CFAP65: variants seen among roughly 807,000 people sequenced by gnomAD.
The protein encoded by CFAP65 is cilia and flagella associated protein 65.
In CFAP65, 155 loss-of-function variants were observed where a neutral mutation model predicts 208.0. The observed-to-expected ratio is 0.75, with a 90% CI of 0.65 to 0.85. The LOEUF (loss-of-function observed/expected upper bound fraction) is 0.85, where lower values mean the gene tolerates loss of function less well. Ranked by LOEUF, CFAP65 falls within the 40% of genes least tolerant of loss-of-function variation. The pLI, the probability that CFAP65 is intolerant of heterozygous loss-of-function variation, is 0.00. For missense variants in CFAP65, 2,294 were observed against 2,451.3 expected, an observed-to-expected ratio of 0.94 and a Z score of 1.36; for synonymous variants, 970 against 986.3, an observed-to-expected ratio of 0.98 and a Z score of 0.31.
At chr2:219,035,010 C>T (rs73994006) in intron 5 of CFAP65, 13,825 of 259,072 alleles carry the variant, frequency 0.053, 934 homozygotes, top group African/African-American at 0.19. Flanking sequence ...TCTACTCCTG[C>T]GTCTATTCCC....
chr2:219,034,775 A>T (rs1948249069), intron 5 of CFAP65: 1 of 152,298 alleles, frequency 6.6e-6, no homozygotes. Flanking sequence ...ACAAAAAGAC[A>T]CTCATCCTCA....
chr2:219,011,650 G>T (rs1302491234), intron 24 of CFAP65, among the ~76,000 whole-genome samples: 1 of 152,160 alleles, frequency 6.6e-6, no homozygotes, highest in South Asian at 2.1e-4. Flanking sequence ...AACTCCAAAG[G>T]TTGGGAATCA....
At position 219,028,028 on chromosome 2, in the gene CFAP65, G is replaced by A. The variant is rs1273534782; in HGVS notation, c.1852-19C>T. On this transcript the variant is annotated intron_variant, in intron 12 of 34. Coordinates refer to ENST00000341552, the MANE Select transcript of CFAP65 (RefSeq NM_194302.4). Reference sequence around the variant, plus strand: ...CCAGATCCTGCATGGGGAAAGACAGGTGGATAGGGCTCAACTGCCATTCCT... The same window carrying A: ...CCAGATCCTGCATGGGGAAAGACAGATGGATAGGGCTCAACTGCCATTCCT... 1 of 1,519,154 alleles carries A rather than the reference G, an allele frequency of 6.6e-7. No individual in the cohort carries two copies. The highest frequency in any genetic ancestry group is 2.3e-5 in the East Asian group (1 of 44,044). The allele number at this position is 1,519,154 out of a possible 1,614,324, so 94.1% of individuals were successfully genotyped here.
At chr2:219,028,078 A>G (rs1358881038) in intron 12 of CFAP65, 69 bp from the exon 13 acceptor site, 1 of 1,533,212 alleles carries the variant, frequency 6.5e-7, no homozygotes, top group Non-Finnish European at 8.8e-7. Flanking sequence ...TCCTGGGTAC[A>G]CTCCTGTCTA....
At chr2:219,034,589 G>T (rs1298658757) in intron 5 of CFAP65, 2 of 152,060 alleles carry the variant, frequency 1.3e-5, no homozygotes, top group African/African-American at 4.8e-5. Flanking sequence ...AATAAAGGGA[G>T]TAAAGACAAA....
chr2:219,023,974 C>A, intron 15 of CFAP65, 41 bp downstream of exon 15: 1 of 1,594,636 alleles, frequency 6.3e-7, no homozygotes, highest in Non-Finnish European at 8.6e-7. Context: ...AAGATTATGG[C>A]CCATTCCCAA....
At chr2:219,029,770 C>A in intron 10 of CFAP65, 102 bp from the exon 11 acceptor site, 1 of 1,419,474 alleles carries the variant, frequency 7.0e-7, no homozygotes, top group Non-Finnish European at 9.6e-7. Flanking sequence ...GGCCCAGAGC[C>A]CTGGCAGCCT....
intron 5 of CFAP65, 157 bp downstream of exon 5, chr2:219,035,323 G>A (rs568798096): frequency 1.3e-4 from 206 of 1,545,396 alleles, no homozygotes; most frequent in Non-Finnish European, 1.7e-4. Flanking sequence ...ATGGATTATA[G>A]CTGCATAATT....
At chr2:219,028,823 C>T (rs1029401393) in intron 11 of CFAP65, among the ~76,000 whole-genome samples, 2 of 152,202 alleles carry the variant, frequency 1.3e-5, no homozygotes, top group African/African-American at 2.4e-5. Context: ...CCATACTAAA[C>T]TGTCACAAGA....
intron 11 of CFAP65, 49 bp downstream of exon 11, chr2:219,029,354 C>T: frequency 1.3e-6 from 2 of 1,579,206 alleles, no homozygotes; most frequent in Non-Finnish European, 8.6e-7. Flanking sequence ...ATCAGTGGGC[C>T]CCAGGGGAGC....
chr2:219,009,571 T>C, intron 27 of CFAP65, 111 bp from the exon 28 acceptor site: 1 of 716,366 alleles, frequency 1.4e-6, no homozygotes, highest in East Asian at 2.9e-5. Flanking sequence ...TGAGACAAGA[T>C]GGGATGGGAT....
At chr2:219,009,181 G>A (rs200776724) in intron 28 of CFAP65, 27 bp from the exon 29 acceptor site, 41 of 1,598,918 alleles carry the variant, frequency 2.6e-5, no homozygotes, top group Non-Finnish European at 3.3e-5. Flanking sequence ...AGAGAGAGAA[G>A]GCCAAGGTCT....
chr2:219,020,041 A>G (rs1947174967), intron 19 of CFAP65, among the ~76,000 whole-genome samples: 2 of 148,042 alleles, frequency 1.4e-5, no homozygotes, highest in Non-Finnish European at 3.0e-5. Flanking sequence ...TAACACATAC[A>G]ATTCAGTTTT....
intron 4 of CFAP65, 53 bp downstream of exon 4, chr2:219,038,322 C>G: frequency 6.3e-7 from 1 of 1,580,260 alleles, no homozygotes; most frequent in Non-Finnish European, 8.6e-7. Context: ...GCCACCCATG[C>G]CCCGCCCTGG....
chr2:219,003,950 A>G lies in CFAP65; in HGVS notation c.5555+2T>C. 1.2e-6 allele frequency: 2 copies of G among 1,607,668 alleles called. No individual in the cohort carries two copies. The highest frequency in any genetic ancestry group is 1.7e-6 in the Non-Finnish European group (2 of 1,175,882). ...CGTCCTCACTGGGGCCTGGCTGCTC[A>G]CCTTCTGATGGCCTCCTTCTCGTCC... On this transcript the variant is annotated splice_donor_variant, in intron 33 of 34. Transcript: ENST00000341552. LOFTEE classifies it high-confidence loss of function. The surrounding 1 kb of genome is among the most constrained non-coding windows in gnomAD (Gnocchi z 4.4).
intron 2 of CFAP65, chr2:219,039,338 G>C (rs1169836525): frequency 9.2e-6 from 2 of 217,934 alleles, no homozygotes; most frequent in Non-Finnish European, 1.8e-5. Context: ...CCTTTAGCTG[G>C]CTTCTTTTAG....
At chr2:219,021,372 G>A in intron 18 of CFAP65, 92 bp from the exon 19 acceptor site, 1 of 1,403,578 alleles carries the variant, frequency 7.1e-7, no homozygotes, top group Non-Finnish European at 9.4e-7. Flanking sequence ...GGGCACCAGG[G>A]GAGGACAGCA....
intron 1 of CFAP65, among the ~76,000 whole-genome samples, chr2:219,040,835 G>C (rs919061187): frequency 6.6e-5 from 10 of 152,236 alleles, no homozygotes; most frequent in South Asian, 6.2e-4. Flanking sequence ...CATCTTCTCA[G>C]ACTCTACGGG....
chr2:219,030,747 CCA>C lies in CFAP65; in HGVS notation c.1101_1102del (p.Phe367LeufsTer28). ...CGAGGTGCAGCCCACAGCAACAGAG[CCA>C]AAGTACAACAGCTTCTGGAAGCCCT... On this transcript the variant is annotated frameshift_variant, in exon 9 of 35. Coordinates refer to ENST00000341552, the MANE Select transcript of CFAP65 (RefSeq NM_194302.4). LOFTEE classifies it high-confidence loss of function. 4 of 1,614,190 alleles carry C rather than the reference CCA, an allele frequency of 2.5e-6. No homozygotes were observed. The highest frequency in any genetic ancestry group is 2.5e-6 in the Non-Finnish European group (3 of 1,180,026).
Sources: gnomAD v4.1 joint callset for allele counts (sites outside exome capture counted in the v4.1 genomes callset) on GRCh38, gnomAD v4.1.1 for gene constraint, Gnocchi (gnomAD v3.1) non-coding constraint, MANE v1.5 for transcripts, NCBI Gene and HGNC (gene_info 2026-07-23, HGNC 2026-07-21) for gene names.